The following ZNF813 variants were observed in gnomAD, a reference collection of about 807,000 sequenced individuals.
ZNF813 encodes zinc finger protein 813.
A neutral mutation model predicts 7.2 loss-of-function variants in ZNF813; 3 were observed. The observed-to-expected ratio is 0.42, with a 90% confidence interval of 0.19 to 1.08. ZNF813 has a LOEUF of 1.08. Ranked by LOEUF, ZNF813 falls within the 50% of genes least tolerant of loss-of-function variation. The pLI, the probability that ZNF813 is intolerant of heterozygous loss-of-function variation, is 0.30. For missense variants in ZNF813, 714 were observed against 753.3 expected (o/e 0.95, Z 0.61); for synonymous variants, 227 against 256.3 (o/e 0.89, Z 1.09).
At chr19:53,477,722 G>A (rs571630318) in intron 1 of ZNF813, among the ~76,000 whole-genome samples, 5 of 152,212 alleles carry the variant, frequency 3.3e-5, no homozygotes, top group East Asian at 1.9e-4. Context: ...TCTGGAGGCC[G>A]AGGCAGGAGG....
At chr19:53,485,611 G>C (rs1227484165) in intron 2 of ZNF813, among the ~76,000 whole-genome samples, 1 of 74,054 alleles carries the variant, frequency 1.4e-5, no homozygotes, top group African/African-American at 4.4e-5. Context: ...TATATATCGT[G>C]ATATATACAT....
At chr19:53,487,584 G>C (rs1354883571) in intron 3 of ZNF813, among the ~76,000 whole-genome samples, 2 of 151,970 alleles carry the variant, frequency 1.3e-5, no homozygotes, top group African/African-American at 2.4e-5. Flanking sequence ...AATCACCTGA[G>C]GTCAGGAGTT....
chr19:53,484,010 G>A (rs761704377), intron 2 of ZNF813, among the ~76,000 whole-genome samples, 173 bp downstream of exon 2: 4 of 151,868 alleles, frequency 2.6e-5, no homozygotes, highest in Non-Finnish European at 4.4e-5. Flanking sequence ...TCTTGTGACC[G>A]AGTGACATGA....
Position 53,490,444 on chromosome 19 carries a change from C to A in ZNF813, c.212C>A (p.Thr71Lys), listed in dbSNP as rs369345222. 1 of 1,614,118 alleles carries A rather than the reference C, an allele frequency of 6.2e-7. No individual in the cohort carries two copies. Among genetic ancestry groups the A allele is most frequent in the Non-Finnish European group, 8.5e-7 (1 of 1,180,012 alleles). The change falls in exon 4 of 4, where the codon ACA becomes AAA. Residue 71 changes from threonine to lysine, a missense_variant. Around this residue, in one of 3 missense-constraint regions of ZNF813, gnomAD observed 563 missense variants for 554.2 expected, o/e 1.02. Coordinates refer to ENST00000396403, the MANE Select transcript of ZNF813 (RefSeq NM_001004301.4). ...CAAGGCAATAGAGAAGTGATCCACA[C>A]AGGGACATTGCAAAGACATGAAAGT... Reference protein sequence around the residue: ...TAQGNREVIHTGTLQRHESHH... With the variant: ...TAQGNREVIHKGTLQRHESHH...
intron 1 of ZNF813, among the ~76,000 whole-genome samples, chr19:53,473,602 T>A (rs1472521615): frequency 8.5e-5 from 13 of 152,174 alleles, no homozygotes; most frequent in Admixed American, 8.5e-4. Flanking sequence ...TAGGGCCCAT[T>A]CTATATGGGT....
intron 1 of ZNF813, among the ~76,000 whole-genome samples, chr19:53,476,696 G>C (rs184253261): frequency 6.6e-6 from 1 of 151,592 alleles, no homozygotes; most frequent in East Asian, 2.0e-4. Flanking sequence ...CTCTGTCGCC[G>C]ACGCTTAAGT....
In ZNF813 at chr19:53,494,562, G is replaced by A. The variant is rs969644841; in HGVS notation, c.*2476G>A. ...GGAGGCTGAGGCAGGAGAATGGCTTGAACCCGGGAGGCAGAGATTGCTGTG... is the reference window on the plus strand; with the variant it reads ...GGAGGCTGAGGCAGGAGAATGGCTTAAACCCGGGAGGCAGAGATTGCTGTG... On this transcript the variant is annotated 3_prime_UTR_variant, in exon 4 of 4. Coordinates refer to ENST00000396403, the MANE Select transcript of ZNF813 (RefSeq NM_001004301.4). 1 of 151,006 alleles carries A rather than the reference G, an allele frequency of 6.6e-6. No individual in the cohort carries two copies. The highest frequency in any genetic ancestry group is 2.4e-5 in the African/African-American group (1 of 41,106). 9.4% of individuals were successfully genotyped at this position (151,006 alleles called of 1,614,324 possible). A position where few individuals can be genotyped will look rare whatever the true frequency, so the allele number is the denominator to read the frequency against.
In ZNF813 at chr19:53,483,903, G is replaced by T. The variant is rs561333788; in HGVS notation, c.15+66G>T. On this transcript the variant is annotated intron_variant, in intron 2 of 3. Coordinates refer to ENST00000396403, the MANE Select transcript of ZNF813 (RefSeq NM_001004301.4). ...CTCAGAAATGCTGGGCCTTGGAGTT[G>T]GGAATCTTCTCTGAGTCTGAAGCAT... 32 of 1,612,970 alleles carry T rather than the reference G, an allele frequency of 2.0e-5. 1 individual carries two copies. Among genetic ancestry groups the T allele is most frequent in the South Asian group, 1.1e-4 (10 of 91,014 alleles).
At chr19:53,476,879 G>T (rs948878537) in intron 1 of ZNF813, among the ~76,000 whole-genome samples, 21 of 151,948 alleles carry the variant, frequency 1.4e-4, no homozygotes, top group Non-Finnish European at 2.9e-4. Flanking sequence ...AACCAGGATG[G>T]TCTCGATCTC....
At chr19:53,483,624 C>T in intron 1 of ZNF813, 126 bp from the exon 2 acceptor site, 4 of 940,818 alleles carry the variant, frequency 4.3e-6, no homozygotes, top group Non-Finnish European at 6.1e-6. Context: ...TTTATTGTCC[C>T]TGGTGTGGTC....
Position 53,492,626 on chromosome 19 carries a change from C to T in ZNF813, c.*540C>T, listed in dbSNP as rs2086469407. 1 of 750,828 alleles carries T rather than the reference C, an allele frequency of 1.3e-6. No homozygotes were observed. Among genetic ancestry groups the T allele is most frequent in the South Asian group, 1.3e-5 (1 of 75,474 alleles). The allele number at this position is 750,828 out of a possible 1,614,324, so 46.5% of individuals were successfully genotyped here. A position where few individuals can be genotyped will look rare whatever the true frequency, so the allele number is the denominator to read the frequency against. ...GCAATCCATGGTGAAGGAAACTTGA[C>T]TAATGTAATGATTGTCACCAAGTCT... is the stretch of plus-strand genomic sequence containing the variant. On this transcript the variant is annotated 3_prime_UTR_variant, in exon 4 of 4. Transcript: ENST00000396403.
At chr19:53,481,341 A>ATTATTTTTTTTTTT (rs1180229389) in intron 1 of ZNF813, among the ~76,000 whole-genome samples, 1 of 89,210 alleles carries the variant, frequency 1.1e-5, no homozygotes, top group South Asian at 3.6e-4. Context: ...GCACCCATGT[A>ATTATTTTTTTTTTT]TTCTTTTTTT....
At chr19:53,486,492 T>C (rs1056647979) in intron 2 of ZNF813, 140 bp from the exon 3 acceptor site, 16 of 1,540,142 alleles carry the variant, frequency 1.0e-5, no homozygotes, top group Non-Finnish European at 1.4e-5. Context: ...AGACAAAATG[T>C]GGTGAAGAAC....
Position 53,489,148 on chromosome 19 carries a change from CAGGCATG to C in ZNF813, c.143-1224_143-1218del, listed in dbSNP as rs781280827. 1.2e-3 allele frequency among the ~76,000 whole-genome samples: 180 copies of C among 152,224 alleles called. 2 individuals are homozygous for C. The highest frequency in any genetic ancestry group is 1.9e-3 in the Non-Finnish European group (128 of 68,020). ...CAGCCTTCCCGAGTAGCTGGGATTA[CAGGCATG>C]AGCCACCACACCCGGCTAATTTTGT... On this transcript the variant is annotated intron_variant, in intron 3 of 3. Transcript: ENST00000396403.
intron 1 of ZNF813, among the ~76,000 whole-genome samples, chr19:53,480,572 T>G (rs2086403612): frequency 1.3e-5 from 2 of 152,208 alleles, no homozygotes; most frequent in South Asian, 4.1e-4. Flanking sequence ...CTTTCTAGTC[T>G]TTATTATTTA....
chr19:53,488,170 A>G (rs906069075), intron 3 of ZNF813: 1 of 444,460 alleles, frequency 2.2e-6, no homozygotes, highest in Non-Finnish European at 4.5e-6. Flanking sequence ...GATTACAGGC[A>G]TGTGCCACCA....
chr19:53,490,909 A>G lies in ZNF813; in HGVS notation c.677A>G (p.Tyr226Cys), dbSNP rs775756259. 2 of 1,614,170 alleles carry G rather than the reference A, an allele frequency of 1.2e-6. No homozygotes were observed. Among genetic ancestry groups the G allele is most frequent in the Non-Finnish European group, 1.7e-6 (2 of 1,179,992 alleles). ...AATGAGAGTGGCAAAGCCTTTAATT[A>G]TAGCTCACTCTTAAGGAAACATCAA... ...QCNESGKAFN[Y>C]SSLLRKHQII... Residue 226 changes from tyrosine (Y) to cysteine (C), a missense_variant, in exon 4 of 4, where the codon TAT becomes TGT. Around this residue, in one of 3 missense-constraint regions of ZNF813, gnomAD observed 563 missense variants for 554.2 expected, o/e 1.02. Transcript: ENST00000396403.
rs2086469304 is a variant in ZNF813 at position 53,492,599 on chromosome 19, A to G, written c.*513A>G. On this transcript the variant is annotated 3_prime_UTR_variant, in exon 4 of 4. Transcript: ENST00000396403. ...GAGCAGTCAACACTTACTCACCATC[A>G]GGCAATCCATGGTGAAGGAAACTTG... 2 of 649,878 alleles carry G rather than the reference A, an allele frequency of 3.1e-6. No individual in the cohort carries two copies. The highest frequency in any genetic ancestry group is 3.9e-5 in the Admixed American group (2 of 50,704). 40.3% of individuals were successfully genotyped at this position (649,878 alleles called of 1,614,324 possible).
At chr19:53,469,958 G>T (rs2086348821) in intron 1 of ZNF813, among the ~76,000 whole-genome samples, 1 of 140,544 alleles carries the variant, frequency 7.1e-6, no homozygotes, top group South Asian at 2.3e-4. Flanking sequence ...CATCTAAAAA[G>T]CTGAGCATTT....
Sources: allele counts gnomAD v4.1 joint callset (sites outside exome capture counted in the v4.1 genomes callset), GRCh38; gene constraint gnomAD v4.1.1; regional missense constraint gnomAD v4.1.1; transcripts MANE v1.5; gene names NCBI Gene and HGNC (gene_info 2026-07-23, HGNC 2026-07-21).